The following EIF2AK1 variants were observed in gnomAD, a reference collection of about 807,000 sequenced individuals.
EIF2AK1 encodes eukaryotic translation initiation factor 2 alpha kinase 1.
Under a neutral mutation model 77.9 loss-of-function variants are expected in EIF2AK1, and 54 were observed. That is an observed-to-expected ratio of 0.69 (90% CI 0.56 to 0.87). EIF2AK1 has a LOEUF of 0.87. Ranked by LOEUF, EIF2AK1 falls within the 40% of genes least tolerant of loss-of-function variation. EIF2AK1 has a pLI of 0.00. For missense variants in EIF2AK1, 810 were observed against 768.6 expected (o/e 1.05, Z -0.64); for synonymous variants, 314 against 290.5 (o/e 1.08, Z -0.82).
At position 6,040,913 on chromosome 7, in the gene EIF2AK1, G is replaced by A; in HGVS notation, c.1098C>T (p.Val366=). ...CTACCTCTGTCTGACCCAAAAAGTT[G>A]ACATTTTCTTCGGAAGATTCTTCGG... ...TSTEESSEEN[V]NFLGQTEAQY... is the part of the protein sequence containing the mutation. The change falls in exon 9 of 15, where the codon GTC becomes GTT. Residue 366 remains valine (V), a synonymous_variant. Coordinates refer to ENST00000199389, the MANE Select transcript of EIF2AK1 (RefSeq NM_014413.4). The A allele has an allele frequency of 1.2e-6, 2 of 1,614,086 alleles. No individual in the cohort carries two copies. The highest frequency in any genetic ancestry group is 1.7e-6 in the Non-Finnish European group (2 of 1,179,976).
Position 6,027,334 on chromosome 7 carries a change from G to A in EIF2AK1, c.1531-373C>T, listed in dbSNP as rs1017541749. Among the ~76,000 whole-genome samples the A allele has an allele frequency of 7.2e-5, 11 of 152,116 alleles. No individual in the cohort carries two copies. Among genetic ancestry groups the A allele is most frequent in the South Asian group, 2.1e-4 (1 of 4,822 alleles). On this transcript the variant is annotated intron_variant, in intron 13 of 14. Transcript: ENST00000199389. The surrounding 1 kb of genome is among the most constrained non-coding windows in gnomAD (Gnocchi z 4.5). ...CACAGAAGGTCGCGGGTTCTCCTCCGGTCTCACCTCTGCCTCCACTCATTC... is the reference window on the plus strand; with the variant it reads ...CACAGAAGGTCGCGGGTTCTCCTCCAGTCTCACCTCTGCCTCCACTCATTC...
Position 6,035,511 on chromosome 7 carries a change from G to A in EIF2AK1, c.1332+1913C>T, listed in dbSNP as rs546720568. 2.6e-6 allele frequency: 4 copies of A among 1,550,980 alleles called. No individual in the cohort carries two copies. The highest frequency in any genetic ancestry group is 3.5e-6 in the Non-Finnish European group (4 of 1,147,122). Reference sequence around the variant, plus strand: ...CTGGCCAGTCACTTCCACCACGTGGGCAAAACCAGGCAACAGAACGCACAG... The same window carrying A: ...CTGGCCAGTCACTTCCACCACGTGGACAAAACCAGGCAACAGAACGCACAG... On this transcript the variant is annotated intron_variant, in intron 11 of 14. Coordinates refer to ENST00000199389, the MANE Select transcript of EIF2AK1 (RefSeq NM_014413.4). The surrounding 1 kb of genome is among the most constrained non-coding windows in gnomAD (Gnocchi z 5.5).
rs1221419989 is a variant in EIF2AK1, at chr7:6,036,293, T to C, written c.1332+1131A>G. ...GCAAAAGAAACATCAGGAATATTTA[T>C]GGTGAGAAATACAAACAGCACTTGA... On this transcript the variant is annotated intron_variant, in intron 11 of 14. Transcript: ENST00000199389. This position sits in a 1 kb window ranked among gnomAD's most constrained non-coding sequence, Gnocchi z 4.6. The C allele has an allele frequency of 1.9e-6, 3 of 1,548,682 alleles. No individual in the cohort carries two copies. Among genetic ancestry groups the C allele is most frequent in the Admixed American group, 2.0e-5 (1 of 50,258 alleles).
In EIF2AK1 at chr7:6,036,314, C is replaced by A; in HGVS notation, c.1332+1110G>T. 1 of 1,545,612 alleles carries A rather than the reference C, an allele frequency of 6.5e-7. No homozygotes were observed. The highest frequency in any genetic ancestry group is 1.2e-5 in the South Asian group (1 of 83,502). On this transcript the variant is annotated intron_variant, in intron 11 of 14. Coordinates refer to ENST00000199389, the MANE Select transcript of EIF2AK1 (RefSeq NM_014413.4). This position sits in a 1 kb window ranked among gnomAD's most constrained non-coding sequence, Gnocchi z 4.6. Reference sequence around the variant, plus strand: ...TTTATGGTGAGAAATACAAACAGCACTTGAAGCAATTCCTCCCAGTGACAA... The same window carrying A: ...TTTATGGTGAGAAATACAAACAGCAATTGAAGCAATTCCTCCCAGTGACAA...
At chr7:6,045,867 C>T (rs2128890345) in intron 6 of EIF2AK1, among the ~76,000 whole-genome samples, 1 of 151,680 alleles carries the variant, frequency 6.6e-6, no homozygotes, top group South Asian at 2.1e-4. Context: ...CCACTTTACT[C>T]CAACCTGGCC....
chr7:6,038,847 C>A (rs1443470436), intron 9 of EIF2AK1, among the ~76,000 whole-genome samples, 176 bp from the exon 10 acceptor site: 1 of 152,106 alleles, frequency 6.6e-6, no homozygotes, highest in South Asian at 2.1e-4. Context: ...CACAGGCCCA[C>A]CCAAGAAGCC....
intron 2 of EIF2AK1, 43 bp downstream of exon 2, chr7:6,054,503 C>T: frequency 6.2e-7 from 1 of 1,608,198 alleles, no homozygotes; most frequent in Admixed American, 1.7e-5. Flanking sequence ...GGAGCCCAGC[C>T]TTTACAAGCT....
At chr7:6,050,170 T>C (rs1385572799) in intron 2 of EIF2AK1, 125 bp from the exon 3 acceptor site, 6 of 756,148 alleles carry the variant, frequency 7.9e-6, no homozygotes, top group Non-Finnish European at 1.2e-5. Context: ...GGAAAAATAC[T>C]ATATTTATAA....
intron 3 of EIF2AK1, 71 bp from the exon 4 acceptor site, chr7:6,048,915 A>C (rs1788519336): frequency 9.4e-7 from 1 of 1,069,090 alleles, no homozygotes; most frequent in Non-Finnish European, 1.4e-6. Flanking sequence ...ATCAAAATTC[A>C]ATATCACATT....
At chr7:6,028,559 G>T in intron 13 of EIF2AK1, 56 bp downstream of exon 13, 1 of 1,565,050 alleles carries the variant, frequency 6.4e-7, no homozygotes, top group Non-Finnish European at 8.8e-7. Context: ...ACCCTGTATT[G>T]TTATTTAAGA....
chr7:6,055,700 G>T (rs1252425256), intron 1 of EIF2AK1, among the ~76,000 whole-genome samples: 1 of 148,298 alleles, frequency 6.7e-6, no homozygotes, highest in African/African-American at 2.5e-5. Context: ...AAAAAACCTA[G>T]CTGGGCACAG....
rs534678850 is a variant in EIF2AK1, at chr7:6,027,306, A to T, written c.1531-345T>A. ...CGCCTGCTAGTGTCAGCTGCGGGGG[A>T]GCCACAGAAGGTCGCGGGTTCTCCT... On this transcript the variant is annotated intron_variant, in intron 13 of 14. Transcript: ENST00000199389. This position sits in a 1 kb window ranked among gnomAD's most constrained non-coding sequence, Gnocchi z 4.5. 3.3e-5 allele frequency among the ~76,000 whole-genome samples: 5 copies of T among 152,264 alleles called. No homozygotes were observed. The highest frequency in any genetic ancestry group is 1.2e-4 in the African/African-American group (5 of 41,562).
chr7:6,028,064 A>T (rs1335667384), intron 13 of EIF2AK1: 1 of 367,936 alleles, frequency 2.7e-6, no homozygotes, highest in East Asian at 8.1e-5. Context: ...CCCTGTCTCA[A>T]AAACAACAAA....
Position 6,037,474 on chromosome 7 carries a change from C to T in EIF2AK1, c.1282G>A (p.Glu428Lys). 2 of 1,613,412 alleles carry T rather than the reference C, an allele frequency of 1.2e-6. No individual in the cohort carries two copies. Among genetic ancestry groups the T allele is most frequent in the Middle Eastern group, 1.7e-4 (1 of 6,058 alleles). Residue 428 changes from glutamate (E) to lysine (K), a missense_variant, in exon 11 of 15, where the codon GAA (glutamate) becomes AAA (lysine). This residue lies in a region of EIF2AK1 where 549 missense variants were observed against 533.7 expected (regional missense o/e 1.03). Transcript: ENST00000199389. ...VATKIFQELV[E>K]GVFYIHNMGI... The stretch of plus-strand genomic sequence containing the variant: ...ATGTTATGTATGTAAAACACACCTT[C>T]TACCAATTCTTGAAAAATTTTTGTT...
rs1029736366 is a variant in EIF2AK1, at chr7:6,036,207, C to T, written c.1332+1217G>A. 2.3e-5 allele frequency: 36 copies of T among 1,549,576 alleles called. 1 individual carries two copies. The highest frequency in any genetic ancestry group is 1.7e-4 in the Middle Eastern group (1 of 6,002). Reference sequence around the variant, plus strand: ...TGCAGGAATCATGCTACCAGAATTCCGCCTCTTAAGGGACACCCTAATAAA... The same window carrying T: ...TGCAGGAATCATGCTACCAGAATTCTGCCTCTTAAGGGACACCCTAATAAA... On this transcript the variant is annotated intron_variant, in intron 11 of 14. Coordinates refer to ENST00000199389, the MANE Select transcript of EIF2AK1 (RefSeq NM_014413.4). This position sits in a 1 kb window ranked among gnomAD's most constrained non-coding sequence, Gnocchi z 4.6.
At chr7:6,044,312 A>G (rs982407641) in intron 7 of EIF2AK1, among the ~76,000 whole-genome samples, 5 of 150,048 alleles carry the variant, frequency 3.3e-5, no homozygotes, top group African/African-American at 1.2e-4. Context: ...AAAAATACCA[A>G]AAAAAAAAGT....
chr7:6,029,495 A>G (rs1211442908), intron 11 of EIF2AK1, among the ~76,000 whole-genome samples: 2 of 149,474 alleles, frequency 1.3e-5, no homozygotes, highest in Non-Finnish European at 3.0e-5. Context: ...CCCTGTCTCA[A>G]AAAAAAAAAA....
rs1462437302 is a variant in EIF2AK1, at chr7:6,027,333, C to G, written c.1531-372G>C. Among the ~76,000 whole-genome samples the G allele has an allele frequency of 6.6e-6, 1 of 152,178 alleles. No individual in the cohort carries two copies. Among genetic ancestry groups the G allele is most frequent in the Non-Finnish European group, 1.5e-5 (1 of 68,032 alleles). On this transcript the variant is annotated intron_variant, in intron 13 of 14. Transcript: ENST00000199389. The surrounding 1 kb of genome is among the most constrained non-coding windows in gnomAD (Gnocchi z 4.5). ...CCACAGAAGGTCGCGGGTTCTCCTC[C>G]GGTCTCACCTCTGCCTCCACTCATT...
chr7:6,048,943 A>G, intron 3 of EIF2AK1, 99 bp from the exon 4 acceptor site: 1 of 749,744 alleles, frequency 1.3e-6, no homozygotes. Context: ...CCAAATGCAT[A>G]AACAATATTT....
Sources: allele counts gnomAD v4.1 joint callset (sites outside exome capture counted in the v4.1 genomes callset), GRCh38; gene constraint gnomAD v4.1.1; regional missense constraint gnomAD v4.1.1; non-coding constraint Gnocchi (gnomAD v3.1); transcripts MANE v1.5; gene names NCBI Gene and HGNC (gene_info 2026-07-23, HGNC 2026-07-21).